Variants in MST1R observed in about 807,000 individuals in gnomAD.
The protein encoded by MST1R is macrophage stimulating 1 receptor.
In MST1R, 99 loss-of-function variants were observed where a neutral mutation model predicts 117.8. The observed-to-expected ratio is 0.84, with a 90% CI of 0.71 to 0.99. The LOEUF is 0.99. Among genes scored for constraint, MST1R ranks in the 50% least tolerant of loss-of-function variants. The probability of loss-of-function intolerance (pLI) is 0.00; values close to 1 mark genes in which losing one functional copy is unlikely to be tolerated. For missense variants in MST1R, 1,683 were observed against 1,840.2 expected (o/e 0.91, Z 1.56); for synonymous variants, 734 against 765.3 (o/e 0.96, Z 0.68).
At chr3:49,901,178 C>T (rs1387835918) in intron 1 of MST1R, among the ~76,000 whole-genome samples, 1 of 152,244 alleles carries the variant, frequency 6.6e-6, no homozygotes, top group Non-Finnish European at 1.5e-5. Flanking sequence ...CCTAGGGCCT[C>T]TCAACCCAGA....
chr3:49,895,235 G>A lies in MST1R; in HGVS notation c.3203C>T (p.Ala1068Val), dbSNP rs2108430296. 6.2e-7 allele frequency: 1 copy of A among 1,614,214 alleles called. No homozygotes were observed. Among genetic ancestry groups the A allele is most frequent in the Non-Finnish European group, 8.5e-7 (1 of 1,180,042 alleles). The change falls in exon 14 of 20, where the codon GCT becomes GTT. Residue 1068 changes from alanine (A) to valine (V), a missense_variant. Transcript: ENST00000296474. ...GGGAATCAGCACATCCTTGACCTCA[G>A]CCAAGAGCGCAGAGTCCAGGTCCCT... is the stretch of plus-strand genomic sequence containing the variant. Reference protein sequence around the residue: ...QLRDLDSALLAEVKDVLIPHE... With the variant: ...QLRDLDSALLVEVKDVLIPHE...
chr3:49,891,260 CG>C lies in MST1R; in HGVS notation c.3580del (p.Arg1194AlafsTer58), dbSNP rs1559468319. ...DLISFGLQVA[R>X]GMEYLAEQKF... ...CTGCTCTGCCAGGTACTCCATGCCGCGGGCTACCTGCAGGCCAAAGCTGATG... is the reference window on the plus strand; with the variant it reads ...CTGCTCTGCCAGGTACTCCATGCCGCGGCTACCTGCAGGCCAAAGCTGATG... On this transcript the variant is annotated frameshift_variant, in exon 17 of 20. Coordinates refer to ENST00000296474, the MANE Select transcript of MST1R (RefSeq NM_002447.4). LOFTEE classifies it high-confidence loss of function. The C allele has an allele frequency of 1.2e-6, 2 of 1,614,048 alleles. No individual in the cohort carries two copies. The highest frequency in any genetic ancestry group is 1.3e-5 in the African/African-American group (1 of 74,928).
chr3:49,898,481 T>C (rs1208055792), intron 4 of MST1R, 37 bp downstream of exon 4: 2 of 1,605,384 alleles, frequency 1.2e-6, no homozygotes, highest in Non-Finnish European at 8.5e-7. Flanking sequence ...GCCCAGCCTG[T>C]CCCACTCTTA....
In MST1R at chr3:49,903,247, C is replaced by T. The variant is rs1320036067; in HGVS notation, c.363G>A (p.Lys121=). 6.2e-7 allele frequency: 1 copy of T among 1,608,988 alleles called. No individual in the cohort carries two copies. The highest frequency in any genetic ancestry group is 1.3e-5 in the African/African-American group (1 of 74,960). Residue 121 remains lysine (K), a synonymous_variant, in exon 1 of 20, where the codon AAG becomes AAA. Transcript: ENST00000296474. ...PHGPPGDTDT[K]VLVLDPALPA... Reference sequence around the variant, plus strand: ...GCAGCGCGGGATCCAGCACCAGCACCTTTGTGTCTGTGTCACCGGGAGGGC... The same window carrying T: ...GCAGCGCGGGATCCAGCACCAGCACTTTTGTGTCTGTGTCACCGGGAGGGC...
In MST1R at chr3:49,891,792, C is replaced by T; in HGVS notation, c.3318G>A (p.Gln1106=). The change falls in exon 15 of 20, where the codon CAG becomes CAA. Residue 1106 remains glutamine (Q), a synonymous_variant. Transcript: ENST00000296474. The part of the protein sequence containing the change: ...VYHGEYIDQA[Q]NRIQCAIKSL... The stretch of plus-strand genomic sequence containing the variant: ...ACTTGATGGCACATTGGATTCGATT[C>T]TGGGCCTGGTCTATGTATTCTCCGT... The T allele has an allele frequency of 2.5e-6, 4 of 1,614,126 alleles. No homozygotes were observed. The highest frequency in any genetic ancestry group is 3.4e-6 in the Non-Finnish European group (4 of 1,180,010).
At chr3:49,902,288 G>C (rs973892785) in intron 1 of MST1R, 92 bp downstream of exon 1, 3 of 1,414,208 alleles carry the variant, frequency 2.1e-6, no homozygotes, top group African/African-American at 1.4e-5. Flanking sequence ...CCCCCACCGC[G>C]CCCCCAGATC....
chr3:49,898,787 A>G (rs936093093), intron 3 of MST1R, 80 bp downstream of exon 3: 2 of 1,606,976 alleles, frequency 1.2e-6, no homozygotes, highest in Non-Finnish European at 1.7e-6. Context: ...TAGGGCCTGT[A>G]TGTCAATGCC....
chr3:49,891,879 G>A, intron 14 of MST1R, 41 bp from the exon 15 acceptor site: 3 of 1,576,614 alleles, frequency 1.9e-6, no homozygotes, highest in South Asian at 1.1e-5. Flanking sequence ...AGGGGATCCA[G>A]GGCCCAAGGC....
At position 49,899,218 on chromosome 3, in the gene MST1R, G is replaced by A; in HGVS notation, c.1276C>T (p.Pro426Ser). The A allele has an allele frequency of 6.2e-7, 1 of 1,614,204 alleles. No individual in the cohort carries two copies. ...GAGAAGCTGCTACTGACCAGCAGAG[G>A]GAAGTGGCGGCAGCTGGTGTTGGGG... ...LSPNTSCRHF[P>S]LLVSSSFSRV... The change falls in exon 2 of 20, where the codon CCT becomes TCT. Residue 426 changes from proline (P) to serine (S), a missense_variant. Pro to Ser is a moderately conservative substitution (Grantham distance 74, BLOSUM62 -1). Coordinates refer to ENST00000296474, the MANE Select transcript of MST1R (RefSeq NM_002447.4).
rs190946571 is a variant in MST1R, at chr3:49,888,292, C to T, written c.3948-730G>A. On this transcript the variant is annotated intron_variant, in intron 19 of 19. Coordinates refer to ENST00000296474, the MANE Select transcript of MST1R (RefSeq NM_002447.4). Reference sequence around the variant, plus strand: ...TCTACTAAAAACACAAAATATTAGCCGGGCGTCGTGGCAGGCGCCTGTAGT... The same window carrying T: ...TCTACTAAAAACACAAAATATTAGCTGGGCGTCGTGGCAGGCGCCTGTAGT... Among the ~76,000 whole-genome samples the T allele has an allele frequency of 8.5e-4, 129 of 152,188 alleles. 1 individual carries two copies. Among genetic ancestry groups the T allele is most frequent in the Non-Finnish European group, 1.1e-3 (75 of 68,002 alleles).
intron 12 of MST1R, 53 bp downstream of exon 12, chr3:49,895,662 G>A: frequency 1.2e-6 from 2 of 1,612,458 alleles, no homozygotes; most frequent in Non-Finnish European, 1.7e-6. Flanking sequence ...GGGACTTGAA[G>A]ATGCCATTGG....
rs2082317839 is a variant in MST1R at position 49,891,586 on chromosome 3, G to A, written c.3353-6C>T. The A allele has an allele frequency of 1.2e-6, 2 of 1,613,698 alleles. No homozygotes were observed. On this transcript the variant is annotated splice_polypyrimidine_tract_variant and splice_region_variant and intron_variant, in intron 15 of 19. Coordinates refer to ENST00000296474, the MANE Select transcript of MST1R (RefSeq NM_002447.4). ...CTGCTGCATCTCTGTGATGCCTGCAGAGCAGCGCAAGTCAGGCACAGGGCA... is the reference window on the plus strand; with the variant it reads ...CTGCTGCATCTCTGTGATGCCTGCAAAGCAGCGCAAGTCAGGCACAGGGCA...
chr3:49,901,972 A>G (rs2082693321), intron 1 of MST1R, among the ~76,000 whole-genome samples: 1 of 150,518 alleles, frequency 6.6e-6, no homozygotes, highest in Admixed American at 6.6e-5. Flanking sequence ...GGGGAGTGCT[A>G]TTTTTCTGCG....
rs2108474319 is a variant in MST1R at position 49,898,941 on chromosome 3, C to A, written c.1474G>T (p.Gly492Cys). The change falls in exon 3 of 20, where the codon GGT (glycine) becomes TGT (cysteine). Residue 492 changes from glycine (G) to cysteine (C), a missense_variant. Gly to Cys is a radical substitution (Grantham distance 159). Coordinates refer to ENST00000296474, the MANE Select transcript of MST1R (RefSeq NM_002447.4). ...YLLYVSNFSL[G>C]DSGQPVQRDV... ...CGCTGCACGGGCTGCCCACTGTCAC[C>A]CAGTGAGAAGTTGGACACATACAGC... The A allele has an allele frequency of 6.2e-7, 1 of 1,614,180 alleles. No homozygotes were observed.
chr3:49,890,251 T>C (rs927640815), intron 18 of MST1R, among the ~76,000 whole-genome samples, 191 bp from the exon 19 acceptor site: 9 of 152,144 alleles, frequency 5.9e-5, no homozygotes, highest in African/African-American at 2.2e-4. Context: ...CTACCCAGAG[T>C]TGGGGCTGGG....
chr3:49,893,514 G>T (rs2082373859), intron 14 of MST1R, among the ~76,000 whole-genome samples: 1 of 151,700 alleles, frequency 6.6e-6, no homozygotes, highest in African/African-American at 2.4e-5. Flanking sequence ...TGAGGCAGGA[G>T]AATTGCTTGA....
chr3:49,889,374 C>T (rs1057449040), intron 19 of MST1R, among the ~76,000 whole-genome samples: 5 of 152,198 alleles, frequency 3.3e-5, no homozygotes, highest in Non-Finnish European at 5.9e-5. Flanking sequence ...ACTACTTTTA[C>T]CTATGTCCTG....
chr3:49,891,274 G>T lies in MST1R; in HGVS notation c.3567C>A (p.Gly1189=), dbSNP rs141111005. 6.2e-6 allele frequency: 10 copies of T among 1,614,142 alleles called. No homozygotes were observed. The highest frequency in any genetic ancestry group is 8.5e-6 in the Non-Finnish European group (10 of 1,180,038). Residue 1189 remains glycine (G), a synonymous_variant, in exon 17 of 20, where the codon GGC becomes GGA. Transcript: ENST00000296474. ...ACTCCATGCCGCGGGCTACCTGCAGGCCAAAGCTGATGAGGTCCTTCACGG... is the reference window on the plus strand; with the variant it reads ...ACTCCATGCCGCGGGCTACCTGCAGTCCAAAGCTGATGAGGTCCTTCACGG... The part of the protein sequence containing the change: ...NPTVKDLISF[G]LQVARGMEYL...
chr3:49,888,075 C>T (rs531168043), intron 19 of MST1R, among the ~76,000 whole-genome samples: 58 of 152,288 alleles, frequency 3.8e-4, no homozygotes, highest in African/African-American at 1.2e-3. Context: ...GGGCAGGTCA[C>T]GAGGTCAGGA....
Sources: gnomAD v4.1 joint callset for allele counts (sites outside exome capture counted in the v4.1 genomes callset) on GRCh38, gnomAD v4.1.1 for gene constraint, MANE v1.5 for transcripts, NCBI Gene and HGNC (gene_info 2026-07-23, HGNC 2026-07-21) for gene names.